Variants in GRB14 observed in about 807,000 individuals in gnomAD.
GRB14 encodes the protein growth factor receptor-bound protein 14.
GRB14 carries 38 observed loss-of-function variants against 69.1 expected under a neutral mutation model. The observed-to-expected ratio is 0.55, with a 90% CI of 0.42 to 0.72. The LOEUF (loss-of-function observed/expected upper bound fraction) is 0.72. Among genes scored for constraint, GRB14 ranks in the 30% least tolerant of loss-of-function variants. The pLI is 0.00. For synonymous variants in GRB14, 247 were observed against 241.3 expected (o/e 1.02, Z -0.22); for missense variants, 666 against 666.1 (o/e 1.00, Z 0.00).
At chr2:164,539,156 A>G (rs1381267905) in intron 3 of GRB14, among the ~76,000 whole-genome samples, 1 of 152,178 alleles carries the variant, frequency 6.6e-6, no homozygotes, top group Non-Finnish European at 1.5e-5. Flanking sequence ...AGTAGTAGCT[A>G]TCACACATAT....
intron 2 of GRB14, among the ~76,000 whole-genome samples, chr2:164,549,536 C>A (rs956838212): frequency 3.9e-5 from 6 of 152,078 alleles, no homozygotes; most frequent in African/African-American, 1.4e-4. Context: ...TACTTCCCCA[C>A]CACTTTGGTC....
intron 2 of GRB14, among the ~76,000 whole-genome samples, chr2:164,559,180 C>T (rs1688757316): frequency 6.6e-6 from 1 of 152,160 alleles, no homozygotes; most frequent in African/African-American, 2.4e-5. Flanking sequence ...ACATCACTTT[C>T]TAGATCCTAA....
intron 3 of GRB14, among the ~76,000 whole-genome samples, chr2:164,536,886 G>A (rs939943951): frequency 6.6e-5 from 10 of 152,160 alleles, no homozygotes; most frequent in Non-Finnish European, 1.0e-4. Context: ...ATGTCCTGTG[G>A]AAGCATCACC....
intron 2 of GRB14, among the ~76,000 whole-genome samples, chr2:164,561,535 C>T (rs1688828870): frequency 6.6e-6 from 1 of 151,998 alleles, no homozygotes; most frequent in African/African-American, 2.4e-5. Flanking sequence ...GAGATTCGTC[C>T]CATGAAAAGA....
intron 3 of GRB14, among the ~76,000 whole-genome samples, chr2:164,532,882 C>A (rs1312923719): frequency 6.6e-6 from 1 of 152,102 alleles, no homozygotes; most frequent in African/African-American, 2.4e-5. Context: ...TGTATATGGA[C>A]CCACCCTCTG....
chr2:164,586,829 T>C (rs1007948844), intron 2 of GRB14, among the ~76,000 whole-genome samples: 12 of 152,214 alleles, frequency 7.9e-5, no homozygotes, highest in African/African-American at 2.9e-4. Context: ...CTGGGGATTA[T>C]AATTTCCACT....
chr2:164,532,075 C>G (rs997375022), intron 3 of GRB14, among the ~76,000 whole-genome samples: 1 of 152,140 alleles, frequency 6.6e-6, no homozygotes, highest in South Asian at 2.1e-4. Flanking sequence ...ATGAAGACAA[C>G]AGTTGGATAA....
At chr2:164,574,576 T>A (rs778729200) in intron 2 of GRB14, among the ~76,000 whole-genome samples, 12 of 151,686 alleles carry the variant, frequency 7.9e-5, no homozygotes, top group Non-Finnish European at 1.5e-4. Flanking sequence ...AGACAGAAAA[T>A]GAAATCCGCA....
At chr2:164,603,279 G>T (rs1394910352) in intron 2 of GRB14, among the ~76,000 whole-genome samples, 1 of 152,102 alleles carries the variant, frequency 6.6e-6, no homozygotes, top group Non-Finnish European at 1.5e-5. Context: ...TAGTATGAAT[G>T]GATGGTCATT....
At chr2:164,525,213 GC>G (rs1687738805) in intron 4 of GRB14, 135 bp from the exon 5 acceptor site, 1 of 693,154 alleles carries the variant, frequency 1.4e-6, no homozygotes. Flanking sequence ...TTTTGAAAAT[GC>G]CCGTCCTTAG....
At chr2:164,498,610 A>C (rs1380441627) in intron 9 of GRB14, among the ~76,000 whole-genome samples, 1 of 152,102 alleles carries the variant, frequency 6.6e-6, no homozygotes, top group Non-Finnish European at 1.5e-5. Flanking sequence ...GCAAAACCCA[A>C]AGTGGTGTTA....
intron 3 of GRB14, among the ~76,000 whole-genome samples, chr2:164,528,568 T>C (rs765853478): frequency 6.6e-6 from 1 of 152,078 alleles, no homozygotes; most frequent in Admixed American, 6.6e-5. Context: ...TCAATGAATA[T>C]GGATGAGTTT....
intron 2 of GRB14, among the ~76,000 whole-genome samples, chr2:164,551,652 G>A (rs1452749772): frequency 6.6e-6 from 1 of 152,086 alleles, no homozygotes; most frequent in African/African-American, 2.4e-5. Flanking sequence ...TCAGTGCTCC[G>A]CTCACAAACA....
At chr2:164,494,383 C>A in intron 13 of GRB14, 48 bp downstream of exon 13, 2 of 964,778 alleles carry the variant, frequency 2.1e-6, no homozygotes, top group Non-Finnish European at 3.4e-6. Flanking sequence ...AAAGCTTATG[C>A]ATTAAGGTCA....
At position 164,497,266 on chromosome 2, in the gene GRB14, G is replaced by A. The variant is rs1369488336; in HGVS notation, c.1239C>T (p.Arg413=). ...GLAWRKKGCL[R]LGTHGSPTAS... ...CAGTGGGGCTACCGTGAGTGCCCAG[G>A]CGTAAACATCCTTTTTTCTGAGCAA... The change falls in exon 11 of 14, where the codon CGC becomes CGT. Residue 413 remains arginine (R), a synonymous_variant. Transcript: ENST00000263915. 4 of 1,613,392 alleles carry A rather than the reference G, an allele frequency of 2.5e-6. No homozygotes were observed. The highest frequency in any genetic ancestry group is 3.4e-6 in the Non-Finnish European group (4 of 1,179,726).
At chr2:164,511,747 A>C (rs1458701751) in intron 6 of GRB14, among the ~76,000 whole-genome samples, 1 of 152,060 alleles carries the variant, frequency 6.6e-6, no homozygotes, top group Non-Finnish European at 1.5e-5. Flanking sequence ...CAGAGGGAAA[A>C]GTAAAGGAGA....
intron 12 of GRB14, among the ~76,000 whole-genome samples, chr2:164,495,631 A>G (rs1052785445): frequency 7.9e-5 from 12 of 152,212 alleles, no homozygotes; most frequent in African/African-American, 2.2e-4. Flanking sequence ...TATGAATCTC[A>G]CTGTGCCTGG....
At chr2:164,577,318 G>A (rs917616213) in intron 2 of GRB14, among the ~76,000 whole-genome samples, 15 of 152,176 alleles carry the variant, frequency 9.9e-5, no homozygotes, top group African/African-American at 3.4e-4. Flanking sequence ...TAATTGATAC[G>A]GTTTGGCTCT....
chr2:164,570,055 A>G (rs960051324), intron 2 of GRB14, among the ~76,000 whole-genome samples: 1 of 152,006 alleles, frequency 6.6e-6, no homozygotes, highest in Admixed American at 6.6e-5. Context: ...TAGCCTTCAA[A>G]TATTACAAAG....
Sources: allele counts gnomAD v4.1 joint callset (sites outside exome capture counted in the v4.1 genomes callset), GRCh38; gene constraint gnomAD v4.1.1; transcripts MANE v1.5; gene names NCBI Gene and HGNC (gene_info 2026-07-23, HGNC 2026-07-21).